MTOR: variants seen among roughly 807,000 people sequenced by gnomAD.
The protein encoded by MTOR is mechanistic target of rapamycin kinase, also known as serine/threonine-protein kinase mTOR.
Under a neutral mutation model 319.8 loss-of-function variants are expected in MTOR, and 70 were observed. The observed-to-expected ratio is 0.22, with a 90% CI of 0.18 to 0.27. The LOEUF (loss-of-function observed/expected upper bound fraction) is 0.27. Among genes scored for constraint, MTOR ranks in the 10% least tolerant of loss-of-function variants. The pLI is 1.00. For synonymous variants in MTOR, 1,183 were observed against 1,211.4 expected, an observed-to-expected ratio of 0.98 and a Z score of 0.49; for missense variants, 1,890 against 3,274.4, an observed-to-expected ratio of 0.58 and a Z score of 10.32.
intron 16 of MTOR, among the ~76,000 whole-genome samples, chr1:11,232,163 G>A (rs1325213813): frequency 2.0e-5 from 3 of 152,102 alleles, no homozygotes; most frequent in South Asian, 2.1e-4. Context: ...TGAGAGCTAC[G>A]GCTCTGACAA....
Position 11,237,827 on chromosome 1 carries a change from C to T in MTOR, c.2208+16G>A, listed in dbSNP as rs1022767947. On this transcript the variant is annotated intron_variant, in intron 13 of 57. Transcript: ENST00000361445. ...CTGTCTTCCCTGCCTGTGGGTCTGG[C>T]CATCACCTCGGTTACCTGGATGAGC... is the stretch of plus-strand genomic sequence containing the variant. 3.1e-6 allele frequency: 5 copies of T among 1,613,604 alleles called. No homozygotes were observed. The African/African-American group carries it at 5.3e-5, about 17-fold the overall frequency.
In MTOR at chr1:11,231,393, G is replaced by A. The variant is rs1176823945; in HGVS notation, c.2556C>T (p.Gly852=). 1 of 1,613,996 alleles carries A rather than the reference G, an allele frequency of 6.2e-7. No homozygotes were observed. Among genetic ancestry groups the A allele is most frequent in the East Asian group, 2.2e-5 (1 of 44,890 alleles). ...WTLGQLVAST[G]YVVEPYRKYP... is the part of the protein sequence containing the mutation. ...ACTTCCTGTAGGGCTCTACTACATA[G>A]CCAGTGCTGGCCACCAACTGTCCCA... is the stretch of plus-strand genomic sequence containing the variant. Residue 852 remains glycine (G), a synonymous_variant, in exon 17 of 58, where the codon GGC becomes GGT. Transcript: ENST00000361445.
In MTOR at chr1:11,171,200, A is replaced by G. The variant is rs1048568116; in HGVS notation, c.4254-3683T>C. On this transcript the variant is annotated intron_variant, in intron 28 of 57. Coordinates refer to ENST00000361445, the MANE Select transcript of MTOR (RefSeq NM_004958.4). ...ACAGAGCTAGACTCTATCTCAAAAA[A>G]AAAAAAAAGAAAAAGAAAATCCAGG... Among the ~76,000 whole-genome samples, 7 of 151,830 alleles carry G rather than the reference A, an allele frequency of 4.6e-5. 1 individual carries two copies. In the South Asian group the frequency reaches 8.3e-4, roughly 18 times the overall value.
chr1:11,252,000 T>C (rs576665013), intron 6 of MTOR, among the ~76,000 whole-genome samples: 2 of 152,288 alleles, frequency 1.3e-5, no homozygotes, highest in African/African-American at 4.8e-5. Flanking sequence ...CACTATGTAT[T>C]AGGTGCTGTG....
At chr1:11,155,856 A>G (rs976655813) in intron 30 of MTOR, among the ~76,000 whole-genome samples, 1 of 152,222 alleles carries the variant, frequency 6.6e-6, no homozygotes, top group African/African-American at 2.4e-5. Flanking sequence ...GACACTAGCA[A>G]TGAATACACA....
chr1:11,112,108 C>G (rs1000709270), intron 54 of MTOR, among the ~76,000 whole-genome samples: 8 of 152,170 alleles, frequency 5.3e-5, no homozygotes, highest in African/African-American at 1.9e-4. Flanking sequence ...GACTCTGGCT[C>G]TCAGAGGGAC....
intron 16 of MTOR, 63 bp downstream of exon 16, chr1:11,232,371 AAG>A: frequency 8.0e-7 from 1 of 1,255,472 alleles, no homozygotes; most frequent in East Asian, 2.3e-5. Flanking sequence ...AAGGTGAATA[AAG>A]AGAAGCAAAG....
intron 54 of MTOR, among the ~76,000 whole-genome samples, chr1:11,110,622 T>C (rs1641812580): frequency 6.6e-6 from 1 of 152,126 alleles, no homozygotes; most frequent in African/African-American, 2.4e-5. Flanking sequence ...TCTCAAACTC[T>C]TGACCTCAGG....
chr1:11,221,261 T>C (rs968378452), intron 19 of MTOR, among the ~76,000 whole-genome samples: 9 of 152,062 alleles, frequency 5.9e-5, no homozygotes, highest in African/African-American at 2.2e-4. Flanking sequence ...TCCCAAAGTG[T>C]TGGGGTTACA....
chr1:11,173,925 CAAG>C (rs1644903627), intron 28 of MTOR, among the ~76,000 whole-genome samples: 1 of 152,274 alleles, frequency 6.6e-6, no homozygotes, highest in South Asian at 2.1e-4. Context: ...GAAGAAGATA[CAAG>C]AAGAAGATAC....
intron 38 of MTOR, chr1:11,132,158 T>G (rs1643193500): frequency 1.3e-5 from 2 of 152,168 alleles, no homozygotes; most frequent in Admixed American, 1.3e-4. Flanking sequence ...GAAACCAACT[T>G]TTTTCTTGTG....
At chr1:11,110,985 A>T (rs1641835231) in intron 54 of MTOR, 1 of 360,058 alleles carries the variant, frequency 2.8e-6, no homozygotes, top group Admixed American at 3.4e-5. Context: ...TGAAGCCAGT[A>T]AGTCTCAGCA....
intron 6 of MTOR, among the ~76,000 whole-genome samples, chr1:11,253,501 A>G (rs1296181278): frequency 6.6e-6 from 1 of 151,770 alleles, no homozygotes; most frequent in East Asian, 1.9e-4. Flanking sequence ...CTGTTTCATC[A>G]ATGTCTCACA....
chr1:11,164,756 A>G lies in MTOR; in HGVS notation c.4329+2686T>C, dbSNP rs534900255. Among the ~76,000 whole-genome samples the G allele has an allele frequency of 2.6e-5, 4 of 152,344 alleles. No individual in the cohort carries two copies. In the East Asian group the frequency reaches 5.8e-4, roughly 22 times the overall value. The stretch of plus-strand genomic sequence containing the variant: ...CTTCCCTAACTCATTTTATGAGGCC[A>G]GCATCATCCTGATACCAAAGCCTGG... On this transcript the variant is annotated intron_variant, in intron 29 of 57. Coordinates refer to ENST00000361445, the MANE Select transcript of MTOR (RefSeq NM_004958.4).
chr1:11,213,372 C>G, intron 21 of MTOR, 27 bp downstream of exon 21: 8 of 1,598,958 alleles, frequency 5.0e-6, no homozygotes, highest in Non-Finnish European at 6.8e-6. Context: ...CAGAAAATCT[C>G]TCTGGAGGAT....
chr1:11,184,169 T>A (rs1414661894), intron 28 of MTOR, among the ~76,000 whole-genome samples: 2 of 152,212 alleles, frequency 1.3e-5, no homozygotes, highest in Non-Finnish European at 2.9e-5. Flanking sequence ...TTAATTCTCA[T>A]GAAAAGCCTG....
intron 29 of MTOR, among the ~76,000 whole-genome samples, chr1:11,164,146 C>T (rs1245907867): frequency 6.6e-6 from 1 of 151,768 alleles, no homozygotes; most frequent in Non-Finnish European, 1.5e-5. Context: ...AGATCAAGAC[C>T]ATCCTGGCTA....
At chr1:11,236,246 C>T (rs1170880833) in intron 13 of MTOR, among the ~76,000 whole-genome samples, 1 of 151,162 alleles carries the variant, frequency 6.6e-6, no homozygotes, top group Non-Finnish European at 1.5e-5. Flanking sequence ...AAGTGATCCT[C>T]CCACCTCAGC....
At position 11,139,575 on chromosome 1, in the gene MTOR, G is replaced by A; in HGVS notation, c.4956C>T (p.Thr1652=). Residue 1652 remains threonine, a synonymous_variant, in exon 35 of 58, where the codon ACC becomes ACT. Coordinates refer to ENST00000361445, the MANE Select transcript of MTOR (RefSeq NM_004958.4). ...CGCACAGGCTTGCATACTTGAGCCA[G>A]GTTCTCATGTCTTCATGAGGGCTGA... is the stretch of plus-strand genomic sequence containing the variant. ...LVVSPHEDMR[T]WLKYASLCGK... is the part of the protein sequence containing the mutation. 6.2e-7 allele frequency: 1 copy of A among 1,614,228 alleles called. No individual in the cohort carries two copies. The highest frequency in any genetic ancestry group is 8.5e-7 in the Non-Finnish European group (1 of 1,180,046).
Sources: allele counts gnomAD v4.1 joint callset (sites outside exome capture counted in the v4.1 genomes callset), GRCh38; gene constraint gnomAD v4.1.1; transcripts MANE v1.5; gene names NCBI Gene and HGNC (gene_info 2026-07-23, HGNC 2026-07-21).